Variants in APPL2 observed in about 807,000 individuals in gnomAD.
The protein encoded by APPL2 is adaptor protein, phosphotyrosine interacting with PH domain and leucine zipper 2, also known as DCC-interacting protein 13-beta.
A neutral mutation model predicts 92.7 loss-of-function variants in APPL2; 84 were observed. That is an observed-to-expected ratio of 0.91 (90% CI 0.76 to 1.09). The LOEUF (loss-of-function observed/expected upper bound fraction) is 1.09, where lower values mean the gene tolerates loss of function less well. Ranked by LOEUF, APPL2 falls within the 50% of genes least tolerant of loss-of-function variation. The probability of loss-of-function intolerance (pLI) is 0.00; values close to 1 mark genes in which losing one functional copy is unlikely to be tolerated. For synonymous variants in APPL2, 291 were observed against 291.0 expected (o/e 1.00, Z 0.00); for missense variants, 736 against 824.5 (o/e 0.89, Z 1.31).
At chr12:105,194,647 C>T (rs1887484286) in intron 14 of APPL2, among the ~76,000 whole-genome samples, 1 of 151,954 alleles carries the variant, frequency 6.6e-6, no homozygotes, top group South Asian at 2.1e-4. Context: ...GCCGGGATTA[C>T]TCCACTGCAC....
intron 2 of APPL2, among the ~76,000 whole-genome samples, chr12:105,223,200 C>T (rs889584710): frequency 2.0e-5 from 3 of 152,150 alleles, no homozygotes; most frequent in African/African-American, 7.2e-5. Flanking sequence ...AAGGGGAAGA[C>T]GTCTTCCTGA....
chr12:105,208,011 G>T lies in APPL2; in HGVS notation c.434C>A (p.Ala145Glu). ...TTTCTTAGGCAGCCTGCTGTATTTT[G>T]CCATTGAGAGGTCATGCTCTAAAAA... is the stretch of plus-strand genomic sequence containing the variant. Reference protein sequence around the residue: ...LASNEHDLSMAKYSRLPKKKE... With the variant: ...LASNEHDLSMEKYSRLPKKKE... Residue 145 changes from alanine to glutamate, a missense_variant, in exon 7 of 21, where the codon GCA (alanine) becomes GAA (glutamate). Ala to Glu is a moderately radical substitution (Grantham distance 107, BLOSUM62 -1). Coordinates refer to ENST00000258530, the MANE Select transcript of APPL2 (RefSeq NM_018171.5). 2 of 1,614,096 alleles carry T rather than the reference G, an allele frequency of 1.2e-6. No homozygotes were observed. Among genetic ancestry groups the T allele is most frequent in the Non-Finnish European group, 1.7e-6 (2 of 1,179,992 alleles).
At chr12:105,221,549 G>C (rs577150798) in intron 2 of APPL2, among the ~76,000 whole-genome samples, 1 of 152,298 alleles carries the variant, frequency 6.6e-6, no homozygotes, top group African/African-American at 2.4e-5. Context: ...TCAATACTCA[G>C]GTGGGCAGGA....
rs942223763 is a variant in APPL2, at chr12:105,174,881, G to C, written c.1861-433C>G. The stretch of plus-strand genomic sequence containing the variant: ...CTGCTGCTGCTTTTTTTTGGTGGGG[G>C]GGGGGGTGGTGCGGCGGTTGGAGAC... On this transcript the variant is annotated intron_variant, in intron 20 of 20. Coordinates refer to ENST00000258530, the MANE Select transcript of APPL2 (RefSeq NM_018171.5). Among the ~76,000 whole-genome samples, 8 of 140,700 alleles carry C rather than the reference G, an allele frequency of 5.7e-5. 1 individual carries two copies. Among genetic ancestry groups the C allele is most frequent in the Non-Finnish European group, 1.1e-4 (7 of 64,382 alleles). The allele number at this position is 140,700 out of a possible 152,430, so 92.3% of individuals were successfully genotyped here. A position where few individuals can be genotyped will look rare whatever the true frequency, so the allele number is the denominator to read the frequency against.
intron 4 of APPL2, 143 bp from the exon 5 acceptor site, chr12:105,211,460 T>TA: frequency 1.6e-6 from 1 of 612,680 alleles, no homozygotes; most frequent in Admixed American, 2.9e-5. Flanking sequence ...GTACCCTTCA[T>TA]AAAGCAGTAA....
chr12:105,206,957 T>G, intron 8 of APPL2, 104 bp downstream of exon 8: 3 of 1,401,208 alleles, frequency 2.1e-6, no homozygotes, highest in Non-Finnish European at 2.9e-6. Context: ...AGATTGTGCA[T>G]TTATGTTTCT....
At chr12:105,226,612 T>C (rs971509867) in intron 2 of APPL2, among the ~76,000 whole-genome samples, 1 of 152,210 alleles carries the variant, frequency 6.6e-6, no homozygotes, top group African/African-American at 2.4e-5. Flanking sequence ...AGACACAGTC[T>C]CTCACGTCTT....
At chr12:105,184,637 A>G (rs968547437) in intron 17 of APPL2, among the ~76,000 whole-genome samples, 2 of 152,210 alleles carry the variant, frequency 1.3e-5, no homozygotes, top group African/African-American at 4.8e-5. Flanking sequence ...GCTTCATCCC[A>G]GAAGGGCACC....
At position 105,181,237 on chromosome 12, in the gene APPL2, G is replaced by T. The variant is rs573598976; in HGVS notation, c.1635-3975C>A. ...GATAATCATGTGGTTTTTGTCATTG[G>T]TTCTGTTTACGTGATGGATTACATT... On this transcript the variant is annotated intron_variant, in intron 17 of 20. Transcript: ENST00000258530. Among the ~76,000 whole-genome samples the T allele has an allele frequency of 6.6e-5, 10 of 152,290 alleles. No individual in the cohort carries two copies. The South Asian group carries it at 2.1e-3, about 32-fold the overall frequency.
intron 17 of APPL2, 127 bp from the exon 18 acceptor site, chr12:105,177,389 G>A: frequency 1.0e-6 from 1 of 976,948 alleles, no homozygotes; most frequent in Non-Finnish European, 1.6e-6. Flanking sequence ...AGAGGGTGAG[G>A]CGAGATAGCT....
Position 105,189,193 on chromosome 12 carries a change from A to G in APPL2, c.1459+579T>C, listed in dbSNP as rs573793707. ...GTCACTACACCTGGCTAATTTTTGT[A>G]TATATATATATATTTTTGTAGAGAC... On this transcript the variant is annotated intron_variant, in intron 16 of 20. Transcript: ENST00000258530. Among the ~76,000 whole-genome samples the G allele has an allele frequency of 8.9e-4, 135 of 150,888 alleles. 2 individuals carry two copies. Among genetic ancestry groups the G allele is most frequent in the African/African-American group, 2.9e-3 (121 of 41,152 alleles).
chr12:105,204,507 T>C (rs1024206600), intron 8 of APPL2, among the ~76,000 whole-genome samples: 1 of 152,160 alleles, frequency 6.6e-6, no homozygotes, highest in Admixed American at 6.5e-5. Flanking sequence ...AAACGGATGA[T>C]TGTGGTCATC....
intron 5 of APPL2, among the ~76,000 whole-genome samples, chr12:105,208,744 AG>A (rs1223504519): frequency 6.6e-6 from 1 of 152,202 alleles, no homozygotes; most frequent in Non-Finnish European, 1.5e-5. Context: ...TATTACTCCG[AG>A]TGAGTGCCAC....
chr12:105,234,833 C>A (rs900876162), intron 1 of APPL2, among the ~76,000 whole-genome samples: 11 of 152,104 alleles, frequency 7.2e-5, no homozygotes, highest in African/African-American at 2.2e-4. Flanking sequence ...TGCAAACTTA[C>A]CAAAAAACAA....
intron 17 of APPL2, chr12:105,177,522 C>G: frequency 2.0e-6 from 1 of 505,250 alleles, no homozygotes. Context: ...CTGCAACTTA[C>G]CCAAACAGAC....
At chr12:105,211,771 CT>C (rs1889241658) in intron 4 of APPL2, among the ~76,000 whole-genome samples, 1 of 152,326 alleles carries the variant, frequency 6.6e-6, no homozygotes, top group Admixed American at 6.5e-5. Flanking sequence ...TGCTGGAAAC[CT>C]ACTCGCCTGA....
In APPL2 at chr12:105,229,717, G is replaced by C. The variant is rs1220525528; in HGVS notation, c.55-494C>G. ...TTTTGTAATCTTGGATGTCTTGCAG[G>C]AGTGTAGGAGTGTGTCATTCTTTCC... On this transcript the variant is annotated intron_variant, in intron 1 of 20. Transcript: ENST00000258530. 3.0e-6 allele frequency: 3 copies of C among 986,032 alleles called. No homozygotes were observed. The African/African-American group carries it at 5.2e-5, about 17-fold the overall frequency. The allele number at this position is 986,032 out of a possible 1,614,324, so 61.1% of individuals were successfully genotyped here.
At chr12:105,207,541 G>A (rs1888833477) in intron 7 of APPL2, among the ~76,000 whole-genome samples, 1 of 152,150 alleles carries the variant, frequency 6.6e-6, no homozygotes, top group Non-Finnish European at 1.5e-5. Flanking sequence ...GTATGCCAAG[G>A]AAATAATTTA....
intron 11 of APPL2, among the ~76,000 whole-genome samples, chr12:105,196,207 T>C (rs932683460): frequency 1.3e-5 from 2 of 152,114 alleles, no homozygotes; most frequent in Non-Finnish European, 1.5e-5. Context: ...TCGGATCTTC[T>C]AGCCCAAATC....
Sources: gnomAD v4.1 joint callset for allele counts (sites outside exome capture counted in the v4.1 genomes callset) on GRCh38, gnomAD v4.1.1 for gene constraint, MANE v1.5 for transcripts, NCBI Gene and HGNC (gene_info 2026-07-23, HGNC 2026-07-21) for gene names.